Variants in SIK2 observed in about 807,000 individuals in gnomAD.
SIK2 encodes the protein salt inducible kinase 2.
Under a neutral mutation model 103.2 loss-of-function variants are expected in SIK2, and 29 were observed. The observed-to-expected ratio is 0.28, with a 90% CI of 0.21 to 0.38. The LOEUF is 0.38. SIK2 is among the 10% of genes least tolerant of loss of function. The pLI, the probability that SIK2 is intolerant of heterozygous loss-of-function variation, is 1.00. For missense variants in SIK2, 879 were observed against 1,171.0 expected, an observed-to-expected ratio of 0.75 and a Z score of 3.64; for synonymous variants, 412 against 446.1, an observed-to-expected ratio of 0.92 and a Z score of 0.96.
chr11:111,615,008 AC>A (rs1405182690), intron 1 of SIK2, among the ~76,000 whole-genome samples: 1 of 152,056 alleles, frequency 6.6e-6, no homozygotes, highest in Non-Finnish European at 1.5e-5. Flanking sequence ...ACGTGGTGGC[AC>A]ACACCTGTAA....
intron 3 of SIK2, among the ~76,000 whole-genome samples, chr11:111,640,579 G>A (rs2135855569): frequency 6.6e-6 from 1 of 152,110 alleles, no homozygotes; most frequent in East Asian, 1.9e-4. Flanking sequence ...AAGAAATAAT[G>A]ACTGGGTTTC....
intron 3 of SIK2, among the ~76,000 whole-genome samples, chr11:111,652,654 T>A (rs974381767): frequency 6.6e-6 from 1 of 152,206 alleles, no homozygotes; most frequent in Non-Finnish European, 1.5e-5. Context: ...TTGTTAATAA[T>A]GCTAAATACA....
In SIK2 at chr11:111,724,012, G is replaced by C; in HGVS notation, c.2664G>C (p.Leu888=). The change falls in exon 15 of 15, where the codon CTG becomes CTC. Residue 888 remains leucine (L), a synonymous_variant. Coordinates refer to ENST00000304987, the MANE Select transcript of SIK2 (RefSeq NM_015191.3). ...CAGACTGTCCCAGAAGCCCAGGACTGCAAGAGGCCCCCTCCAGCTACGACC... is the reference window on the plus strand; with the variant it reads ...CAGACTGTCCCAGAAGCCCAGGACTCCAAGAGGCCCCCTCCAGCTACGACC... ...TGPDCPRSPG[L]QEAPSSYDPL... The C allele has an allele frequency of 6.2e-7, 1 of 1,614,182 alleles. No homozygotes were observed. Among genetic ancestry groups the C allele is most frequent in the Non-Finnish European group, 8.5e-7 (1 of 1,180,024 alleles).
At chr11:111,651,936 C>T (rs2056345207) in intron 3 of SIK2, among the ~76,000 whole-genome samples, 1 of 152,118 alleles carries the variant, frequency 6.6e-6, no homozygotes, top group Non-Finnish European at 1.5e-5. Context: ...ACTCCAAAAG[C>T]TTTGCATGAA....
At chr11:111,687,429 C>T (rs1411748475) in intron 3 of SIK2, among the ~76,000 whole-genome samples, 2 of 149,750 alleles carry the variant, frequency 1.3e-5, no homozygotes, top group African/African-American at 4.9e-5. Context: ...GCAGAAGAAT[C>T]ATTTGAACCT....
At chr11:111,606,462 A>G (rs1432817612) in intron 1 of SIK2, among the ~76,000 whole-genome samples, 1 of 151,968 alleles carries the variant, frequency 6.6e-6, no homozygotes, top group Non-Finnish European at 1.5e-5. Context: ...TATATAAATT[A>G]TGTTCTTTTT....
chr11:111,667,201 G>A (rs1296197430), intron 3 of SIK2, among the ~76,000 whole-genome samples: 8 of 151,846 alleles, frequency 5.3e-5, no homozygotes, highest in African/African-American at 1.9e-4. Context: ...CACCCATCCC[G>A]GCCTCCCAAA....
At chr11:111,723,061 G>A (rs1262145853) in intron 14 of SIK2, among the ~76,000 whole-genome samples, 1 of 152,126 alleles carries the variant, frequency 6.6e-6, no homozygotes, top group Admixed American at 6.5e-5. Flanking sequence ...TGGGGTAGGC[G>A]GCACAGGAGC....
At chr11:111,648,392 C>T (rs1439226814) in intron 3 of SIK2, among the ~76,000 whole-genome samples, 1 of 152,052 alleles carries the variant, frequency 6.6e-6, no homozygotes, top group Non-Finnish European at 1.5e-5. Context: ...TCTCAGATGG[C>T]ACCTTCTCAC....
intron 3 of SIK2, among the ~76,000 whole-genome samples, chr11:111,663,394 G>C (rs1022303650): frequency 6.6e-6 from 1 of 152,136 alleles, no homozygotes; most frequent in African/African-American, 2.4e-5. Context: ...CGAAGGCCTT[G>C]AGGTCAGAAC....
At chr11:111,650,611 TAAAC>T (rs1040331732) in intron 3 of SIK2, among the ~76,000 whole-genome samples, 7 of 152,152 alleles carry the variant, frequency 4.6e-5, no homozygotes, top group African/African-American at 1.2e-4. Flanking sequence ...TTTTTGATCT[TAAAC>T]AGTCATTCTC....
rs745360020 is a variant in SIK2 at position 111,726,962 on chromosome 11, G to A, written c.*2833G>A. 6.2e-7 allele frequency: 1 copy of A among 1,612,976 alleles called. No homozygotes were observed. Among genetic ancestry groups the A allele is most frequent in the African/African-American group, 1.3e-5 (1 of 75,002 alleles). Reference sequence around the variant, plus strand: ...TTTATGTTCTTTTTTTAAATCTGGGGTATTAGTCTGTGCTTTGGGAGAAAT... The same window carrying A: ...TTTATGTTCTTTTTTTAAATCTGGGATATTAGTCTGTGCTTTGGGAGAAAT... On this transcript the variant is annotated 3_prime_UTR_variant, in exon 15 of 15. Transcript: ENST00000304987.
chr11:111,653,727 G>A (rs538368042), intron 3 of SIK2, among the ~76,000 whole-genome samples: 57 of 152,226 alleles, frequency 3.7e-4, no homozygotes, highest in Non-Finnish European at 8.1e-4. Flanking sequence ...AATCTTATCG[G>A]AAGTAGATTC....
chr11:111,672,457 G>A (rs954525759), intron 3 of SIK2: 1 of 268,270 alleles, frequency 3.7e-6, no homozygotes, highest in African/African-American at 2.2e-5. Context: ...GATCAGAGAA[G>A]CTACTTCTAG....
chr11:111,632,669 T>C (rs1206519773), intron 3 of SIK2, among the ~76,000 whole-genome samples: 2 of 152,278 alleles, frequency 1.3e-5, no homozygotes, highest in South Asian at 2.1e-4. Context: ...TCTGACTTCA[T>C]GTACTAACTG....
intron 3 of SIK2, among the ~76,000 whole-genome samples, chr11:111,685,971 T>TC (rs1405703342): frequency 6.6e-5 from 10 of 152,212 alleles, no homozygotes; most frequent in African/African-American, 2.4e-4. Context: ...GACTGTTCAG[T>TC]CACCAGTTGT....
At chr11:111,671,881 C>T (rs1942632553) in intron 3 of SIK2, 6 of 419,792 alleles carry the variant, frequency 1.4e-5, no homozygotes, top group Admixed American at 8.5e-5. Flanking sequence ...GCTGCCCCTG[C>T]GTATCACCAA....
At chr11:111,695,974 G>A (rs1199776607) in intron 4 of SIK2, among the ~76,000 whole-genome samples, 2 of 152,194 alleles carry the variant, frequency 1.3e-5, no homozygotes, top group Non-Finnish European at 2.9e-5. Flanking sequence ...AAAATACAGA[G>A]CAGAAAACAA....
chr11:111,726,856 C>G lies in SIK2; in HGVS notation c.*2727C>G. On this transcript the variant is annotated 3_prime_UTR_variant, in exon 15 of 15. Coordinates refer to ENST00000304987, the MANE Select transcript of SIK2 (RefSeq NM_015191.3). Reference sequence around the variant, plus strand: ...GCTTCATCACCCTGTAAACCAGGCTCCTCTGAAGAGACTTTGGTGAGATGA... The same window carrying G: ...GCTTCATCACCCTGTAAACCAGGCTGCTCTGAAGAGACTTTGGTGAGATGA... 1 of 949,998 alleles carries G rather than the reference C, an allele frequency of 1.1e-6. No individual in the cohort carries two copies. The highest frequency in any genetic ancestry group is 2.0e-5 in the Admixed American group (1 of 48,852). 58.8% of individuals were successfully genotyped at this position (949,998 alleles called of 1,614,324 possible).
Sources: gnomAD v4.1 joint callset for allele counts (sites outside exome capture counted in the v4.1 genomes callset) on GRCh38, gnomAD v4.1.1 for gene constraint, MANE v1.5 for transcripts, NCBI Gene and HGNC (gene_info 2026-07-23, HGNC 2026-07-21) for gene names.